Variants in PHYHIPL observed in about 807,000 individuals in gnomAD.
The protein encoded by PHYHIPL is phytanoyl-CoA hydroxylase-interacting protein-like.
In PHYHIPL, 9 loss-of-function variants were observed where a neutral mutation model predicts 33.4. The ratio of observed to expected loss-of-function variants is 0.27; its 90% CI spans 0.16 to 0.47. The LOEUF is 0.47. PHYHIPL is among the 20% of genes least tolerant of loss of function. PHYHIPL has a pLI of 0.99. For synonymous variants in PHYHIPL, 153 were observed against 154.1 expected, an observed-to-expected ratio of 0.99 and a Z score of 0.05; for missense variants, 365 against 460.7, an observed-to-expected ratio of 0.79 and a Z score of 1.90.
chr10:59,207,790 C>G (rs1443800489), intron 1 of PHYHIPL, among the ~76,000 whole-genome samples: 2 of 151,556 alleles, frequency 1.3e-5, no homozygotes, highest in Non-Finnish European at 2.9e-5. Context: ...ACTTGGGAGG[C>G]TGAGGCAGGA....
intron 1 of PHYHIPL, chr10:59,206,645 T>G (rs1839291515): frequency 3.5e-6 from 1 of 282,226 alleles, no homozygotes; most frequent in African/African-American, 2.3e-5. Context: ...CAGAAACATT[T>G]AGAAGCACAT....
chr10:59,183,498 G>C (rs2133182288), intron 1 of PHYHIPL, among the ~76,000 whole-genome samples: 1 of 152,250 alleles, frequency 6.6e-6, no homozygotes, highest in South Asian at 2.1e-4. Flanking sequence ...AAGTGAAAAG[G>C]GAAAGGTTAG....
At chr10:59,244,644 A>G (rs539488909) in intron 4 of PHYHIPL, among the ~76,000 whole-genome samples, 23 of 151,822 alleles carry the variant, frequency 1.5e-4, no homozygotes, top group African/African-American at 5.1e-4. Flanking sequence ...TCATTTTATG[A>G]CTAAATCTAT....
chr10:59,227,975 G>GATAGATATATATATATATATATATATAT (rs1554799095), intron 1 of PHYHIPL, among the ~76,000 whole-genome samples: 2 of 145,490 alleles, frequency 1.4e-5, no homozygotes, highest in African/African-American at 5.3e-5. Context: ...TGCCTATTGA[G>GATAGATATATATATATATATATATATAT]ATATATATAT....
chr10:59,239,472 A>G (rs1009913090), intron 4 of PHYHIPL, among the ~76,000 whole-genome samples: 1 of 152,022 alleles, frequency 6.6e-6, no homozygotes, highest in African/African-American at 2.4e-5. Flanking sequence ...GACATGTGGG[A>G]ATTGTGGGAG....
At chr10:59,233,408 A>G (rs1289195869) in intron 1 of PHYHIPL, among the ~76,000 whole-genome samples, 1 of 151,638 alleles carries the variant, frequency 6.6e-6, no homozygotes. Context: ...ATGGCCTAAC[A>G]TTTTTTCTTA....
At chr10:59,228,598 T>C (rs1417615200) in intron 1 of PHYHIPL, among the ~76,000 whole-genome samples, 1 of 152,174 alleles carries the variant, frequency 6.6e-6, no homozygotes, top group East Asian at 1.9e-4. Context: ...AAACATACAT[T>C]TGTTTAAACA....
intron 1 of PHYHIPL, among the ~76,000 whole-genome samples, chr10:59,207,989 G>A (rs191026848): frequency 6.6e-6 from 1 of 152,104 alleles, no homozygotes; most frequent in Non-Finnish European, 1.5e-5. Context: ...ACGGCTGTCG[G>A]CGCAGCTTTG....
At chr10:59,214,331 A>C (rs528268693) in intron 1 of PHYHIPL, among the ~76,000 whole-genome samples, 1 of 152,228 alleles carries the variant, frequency 6.6e-6, no homozygotes, top group South Asian at 2.1e-4. Flanking sequence ...AGATCCCTAA[A>C]ATTTAAAGTA....
chr10:59,246,672 A>T lies in PHYHIPL; in HGVS notation c.*1081A>T, dbSNP rs974790427. On this transcript the variant is annotated 3_prime_UTR_variant, in exon 5 of 5. Coordinates refer to ENST00000373880, the MANE Select transcript of PHYHIPL (RefSeq NM_032439.4). Reference sequence around the variant, plus strand: ...AAGGTATCAGGGCAAACAATTTCCAAACTTTTCATTTTGTACAGAAGGATG... The same window carrying T: ...AAGGTATCAGGGCAAACAATTTCCATACTTTTCATTTTGTACAGAAGGATG... 4 of 397,632 alleles carry T rather than the reference A, an allele frequency of 1.0e-5. No homozygotes were observed. The East Asian group carries it at 1.4e-4, about 14-fold the overall frequency. The allele number at this position is 397,632 out of a possible 1,614,324, so 24.6% of individuals were successfully genotyped here.
At chr10:59,188,341 T>C (rs1356380820) in intron 1 of PHYHIPL, among the ~76,000 whole-genome samples, 1 of 152,230 alleles carries the variant, frequency 6.6e-6, no homozygotes, top group Non-Finnish European at 1.5e-5. Flanking sequence ...TAATTTGTTA[T>C]AATTTCTGTT....
chr10:59,193,807 CT>C (rs1160961927), intron 1 of PHYHIPL, among the ~76,000 whole-genome samples: 1 of 151,876 alleles, frequency 6.6e-6, no homozygotes. Flanking sequence ...TTATGTGGTG[CT>C]TGTTAGCTTG....
At chr10:59,203,757 G>C (rs1292263585) in intron 1 of PHYHIPL, among the ~76,000 whole-genome samples, 3 of 144,410 alleles carry the variant, frequency 2.1e-5, no homozygotes. Flanking sequence ...TCACACACCA[G>C]GGCCTGTCGT....
In PHYHIPL at chr10:59,213,213, T is replaced by C. The variant is rs1839515751; in HGVS notation, c.107-21091T>C. Among the ~76,000 whole-genome samples, 3 of 152,170 alleles carry C rather than the reference T, an allele frequency of 2.0e-5. No homozygotes were observed. The South Asian group carries it at 6.2e-4, about 32-fold the overall frequency. On this transcript the variant is annotated intron_variant, in intron 1 of 4. Transcript: ENST00000373880. ...ATTTTCTCCAATGCACTTTCTTCAG[T>C]GCTGCCAGAGTGATCCTCTAATGTA...
chr10:59,240,659 A>G (rs922326502), intron 4 of PHYHIPL, among the ~76,000 whole-genome samples: 3 of 152,088 alleles, frequency 2.0e-5, no homozygotes, highest in African/African-American at 7.2e-5. Context: ...AAACAAAAAA[A>G]ACCCCTCCAT....
In PHYHIPL at chr10:59,176,754, C is replaced by T; in HGVS notation, c.-100C>T. On this transcript the variant is annotated 5_prime_UTR_variant, in exon 1 of 5. Transcript: ENST00000373880. ...CACCGCGTCCCAGGCCTCCTTCCCT[C>T]CCTCTGCCACTCCCCCTCCCTTTCC... 1 of 1,104,332 alleles carries T rather than the reference C, an allele frequency of 9.1e-7. No individual in the cohort carries two copies. The highest frequency in any genetic ancestry group is 1.3e-6 in the Non-Finnish European group (1 of 771,306). The allele number at this position is 1,104,332 out of a possible 1,614,324, so 68.4% of individuals were successfully genotyped here. A position where few individuals can be genotyped will look rare whatever the true frequency, so the allele number is the denominator to read the frequency against.
chr10:59,239,019 AC>A (rs1348826701), intron 4 of PHYHIPL, among the ~76,000 whole-genome samples: 1 of 151,934 alleles, frequency 6.6e-6, no homozygotes, highest in Admixed American at 6.6e-5. Flanking sequence ...CATCATACTG[AC>A]TACTAATTTT....
intron 1 of PHYHIPL, among the ~76,000 whole-genome samples, chr10:59,182,569 C>G (rs1312115832): frequency 6.6e-6 from 1 of 152,116 alleles, no homozygotes; most frequent in African/African-American, 2.4e-5. Flanking sequence ...TCTTGAACTC[C>G]CGACCTCGTG....
In PHYHIPL at chr10:59,211,360, G is replaced by C. The variant is rs118094801; in HGVS notation, c.107-22944G>C. ...CCATTGCACTTCAGCCTGAGTGACA[G>C]AACAAGGGTCTTTGTTTTTGTTTTG... On this transcript the variant is annotated intron_variant, in intron 1 of 4. Transcript: ENST00000373880. Among the ~76,000 whole-genome samples, 141 of 152,204 alleles carry C rather than the reference G, an allele frequency of 9.3e-4. No individual in the cohort carries two copies. In the East Asian group the frequency reaches 0.015, roughly 17 times the overall value.
Sources: allele counts gnomAD v4.1 joint callset (sites outside exome capture counted in the v4.1 genomes callset), GRCh38; gene constraint gnomAD v4.1.1; transcripts MANE v1.5; gene names NCBI Gene and HGNC (gene_info 2026-07-23, HGNC 2026-07-21).